The following CSMD3 variants were observed in gnomAD, a reference collection of about 807,000 sequenced individuals.
The protein encoded by CSMD3 is CUB and Sushi multiple domains 3.
Under a neutral mutation model 435.2 loss-of-function variants are expected in CSMD3, and 177 were observed. The observed-to-expected ratio is 0.41, with a 90% CI of 0.36 to 0.46. The LOEUF (loss-of-function observed/expected upper bound fraction) is 0.46. Among genes scored for constraint, CSMD3 ranks in the 20% least tolerant of loss-of-function variants. The pLI is 0.34. For synonymous variants in CSMD3, 1,656 were observed against 1,520.5 expected (o/e 1.09, Z -2.07); for missense variants, 4,265 against 4,504.6 (o/e 0.95, Z 1.52).
intron 51 of CSMD3, among the ~76,000 whole-genome samples, 200 bp downstream of exon 51, chr8:112,305,807 G>C (rs970679862): frequency 6.6e-6 from 1 of 151,978 alleles, no homozygotes; most frequent in Non-Finnish European, 1.5e-5. Flanking sequence ...ATATTCTGAG[G>C]TTTTCAAAAA....
chr8:112,616,428 T>C (rs762933582), intron 22 of CSMD3, among the ~76,000 whole-genome samples: 7 of 152,114 alleles, frequency 4.6e-5, no homozygotes, highest in Non-Finnish European at 1.0e-4. Flanking sequence ...ACTCCTACCA[T>C]GTGAGATAAA....
intron 32 of CSMD3, among the ~76,000 whole-genome samples, chr8:112,437,650 T>G (rs2130466477): frequency 6.6e-6 from 1 of 152,232 alleles, no homozygotes; most frequent in East Asian, 1.9e-4. Flanking sequence ...AAAGCTTTTC[T>G]TTTATAACAA....
intron 59 of CSMD3, among the ~76,000 whole-genome samples, chr8:112,276,291 C>A (rs1028105685): frequency 6.6e-6 from 1 of 152,220 alleles, no homozygotes; most frequent in Non-Finnish European, 1.5e-5. Flanking sequence ...TACAGCCTCC[C>A]TCTCACCTGC....
chr8:113,034,960 A>G (rs535428841), intron 5 of CSMD3, among the ~76,000 whole-genome samples: 1 of 152,232 alleles, frequency 6.6e-6, no homozygotes. Context: ...GTCTACAACT[A>G]CAGTTAGAGA....
chr8:113,150,307 G>T (rs1044587469), intron 4 of CSMD3, among the ~76,000 whole-genome samples: 1 of 151,864 alleles, frequency 6.6e-6, no homozygotes, highest in South Asian at 2.1e-4. Context: ...TATCCTTGGT[G>T]GGCCTGATCT....
intron 12 of CSMD3, among the ~76,000 whole-genome samples, chr8:112,811,637 A>G (rs2079231567): frequency 6.6e-6 from 1 of 152,162 alleles, no homozygotes; most frequent in African/African-American, 2.4e-5. Flanking sequence ...TATATCTGTC[A>G]AGCTATATAA....
chr8:113,380,820 G>T (rs546564742), intron 1 of CSMD3, among the ~76,000 whole-genome samples: 1 of 152,108 alleles, frequency 6.6e-6, no homozygotes, highest in Non-Finnish European at 1.5e-5. Flanking sequence ...GCCACTCGGA[G>T]ACCAGATGCT....
chr8:112,979,297 A>G (rs2084962412), intron 6 of CSMD3, among the ~76,000 whole-genome samples: 1 of 151,844 alleles, frequency 6.6e-6, no homozygotes, highest in Admixed American at 6.6e-5. Flanking sequence ...TAGTGGAACT[A>G]TAAAGAAATA....
intron 1 of CSMD3, chr8:113,376,819 T>A: frequency 3.1e-6 from 5 of 1,613,446 alleles, no homozygotes; most frequent in Non-Finnish European, 3.4e-6. Flanking sequence ...GCTGAAGAGG[T>A]TGTTTATGAG....
At chr8:112,919,375 C>A (rs2082668258) in intron 10 of CSMD3, among the ~76,000 whole-genome samples, 1 of 151,740 alleles carries the variant, frequency 6.6e-6, no homozygotes, top group Non-Finnish European at 1.5e-5. Flanking sequence ...TGTAATATAA[C>A]ACCTTATTTT....
intron 7 of CSMD3, 118 bp from the exon 8 acceptor site, chr8:112,954,879 C>A (rs1248996085): frequency 4.4e-6 from 3 of 679,194 alleles, no homozygotes; most frequent in Non-Finnish European, 5.2e-6. Flanking sequence ...TTTCTTAAGC[C>A]TGATATAGTA....
chr8:112,238,225 C>G (rs1813780943), intron 66 of CSMD3, among the ~76,000 whole-genome samples: 1 of 151,958 alleles, frequency 6.6e-6, no homozygotes, highest in East Asian at 1.9e-4. Flanking sequence ...GTACCCAACC[C>G]TCTTTGGATG....
intron 12 of CSMD3, among the ~76,000 whole-genome samples, chr8:112,828,033 C>T (rs866914013): frequency 1.6e-4 from 25 of 152,016 alleles, no homozygotes; most frequent in Admixed American, 1.5e-3. Flanking sequence ...TCTGTTGCTG[C>T]CAATTTATAT....
chr8:113,007,349 A>G (rs1587872010), intron 6 of CSMD3, among the ~76,000 whole-genome samples: 1 of 151,964 alleles, frequency 6.6e-6, no homozygotes, highest in African/African-American at 2.4e-5. Flanking sequence ...AGAGGTAATA[A>G]AGTTTAACAT....
At chr8:113,207,444 C>T (rs184864280) in intron 3 of CSMD3, among the ~76,000 whole-genome samples, 10 of 150,868 alleles carry the variant, frequency 6.6e-5, no homozygotes, top group Non-Finnish European at 1.2e-4. Flanking sequence ...TGCAGCAGCG[C>T]GATCTCGGCT....
intron 10 of CSMD3, among the ~76,000 whole-genome samples, chr8:112,863,319 A>G (rs1587507268): frequency 1.3e-5 from 2 of 151,970 alleles, no homozygotes; most frequent in East Asian, 3.9e-4. Flanking sequence ...TAGTTTTATT[A>G]TATTATAATT....
intron 10 of CSMD3, among the ~76,000 whole-genome samples, chr8:112,869,539 C>A (rs969279440): frequency 9.9e-5 from 15 of 152,078 alleles, no homozygotes; most frequent in African/African-American, 3.1e-4. Context: ...TGGGTATATA[C>A]CCAAAGGATT....
At chr8:112,755,960 A>G (rs1017715381) in intron 13 of CSMD3, among the ~76,000 whole-genome samples, 1 of 151,596 alleles carries the variant, frequency 6.6e-6, no homozygotes, top group South Asian at 2.1e-4. Context: ...ACTGGTCACA[A>G]GATTGAGATT....
intron 15 of CSMD3, among the ~76,000 whole-genome samples, chr8:112,684,498 C>T (rs1203872288): frequency 2.6e-5 from 4 of 152,000 alleles, no homozygotes; most frequent in African/African-American, 9.7e-5. Context: ...AATATTAACT[C>T]ATCCAATTGG....
Sources: gnomAD v4.1 joint callset for allele counts (sites outside exome capture counted in the v4.1 genomes callset) on GRCh38, gnomAD v4.1.1 for gene constraint, MANE v1.5 for transcripts, NCBI Gene and HGNC (gene_info 2026-07-23, HGNC 2026-07-21) for gene names.